FGF12: variants seen among roughly 807,000 people sequenced by gnomAD.
The protein encoded by FGF12 is fibroblast growth factor 12.
FGF12 carries 14 observed loss-of-function variants against 23.6 expected under a neutral mutation model. The ratio of observed to expected loss-of-function variants is 0.59; its 90% confidence interval spans 0.39 to 0.93. The LOEUF (loss-of-function observed/expected upper bound fraction) is 0.93, where lower values mean the gene tolerates loss of function less well. Among genes scored for constraint, FGF12 ranks in the 40% least tolerant of loss-of-function variants. FGF12 has a pLI of 0.00. For missense variants in FGF12, 175 were observed against 217.8 expected (o/e 0.80, Z 1.24); for synonymous variants, 62 against 77.3 (o/e 0.80, Z 1.04).
At chr3:192,527,129 A>T (rs1724963486) in intron 2 of FGF12, among the ~76,000 whole-genome samples, 2 of 152,194 alleles carry the variant, frequency 1.3e-5, no homozygotes, top group African/African-American at 4.8e-5. Flanking sequence ...TGGGGCCCTC[A>T]CAATGGGACT....
At chr3:192,375,510 C>T (rs1719445710) in intron 2 of FGF12, among the ~76,000 whole-genome samples, 2 of 152,038 alleles carry the variant, frequency 1.3e-5, no homozygotes, top group South Asian at 2.1e-4. Flanking sequence ...ATGCAAACGG[C>T]TAAAAACTCA....
At chr3:192,286,970 G>A (rs1451346289) in intron 4 of FGF12, among the ~76,000 whole-genome samples, 3 of 151,918 alleles carry the variant, frequency 2.0e-5, no homozygotes, top group Admixed American at 2.0e-4. Flanking sequence ...AGATAATAAG[G>A]CAATTTACAA....
intron 2 of FGF12, among the ~76,000 whole-genome samples, chr3:192,398,664 G>T (rs1214871390): frequency 6.6e-6 from 1 of 152,180 alleles, no homozygotes; most frequent in Non-Finnish European, 1.5e-5. Context: ...TTACAGGTGT[G>T]AGCCAGCTCT....
chr3:192,553,828 T>C (rs1020450697), intron 2 of FGF12, among the ~76,000 whole-genome samples: 2 of 152,136 alleles, frequency 1.3e-5, no homozygotes. Flanking sequence ...AACTGGTTTA[T>C]CTCCTGCCTG....
At chr3:192,373,201 C>T (rs1348228116) in intron 2 of FGF12, among the ~76,000 whole-genome samples, 3 of 152,050 alleles carry the variant, frequency 2.0e-5, no homozygotes, top group African/African-American at 7.2e-5. Context: ...ACTGTAGCAT[C>T]CCTGAGGGTG....
At chr3:192,326,968 T>G (rs1034888042) in intron 4 of FGF12, among the ~76,000 whole-genome samples, 1 of 152,176 alleles carries the variant, frequency 6.6e-6, no homozygotes, top group Non-Finnish European at 1.5e-5. Flanking sequence ...TGGGAAAATA[T>G]GAGAAGCATT....
At chr3:192,373,694 A>G (rs1719346463) in intron 2 of FGF12, among the ~76,000 whole-genome samples, 1 of 152,192 alleles carries the variant, frequency 6.6e-6, no homozygotes, top group Admixed American at 6.6e-5. Context: ...GGAGGCTCTT[A>G]GGGACAAGTG....
At chr3:192,221,732 G>GTAAA (rs1178229230) in intron 4 of FGF12, among the ~76,000 whole-genome samples, 3 of 151,940 alleles carry the variant, frequency 2.0e-5, no homozygotes, top group Non-Finnish European at 1.5e-5. Context: ...TGTAATTCAG[G>GTAAA]TCAACAAAGA....
At chr3:192,564,850 T>A (rs1712205011) in intron 2 of FGF12, among the ~76,000 whole-genome samples, 1 of 152,234 alleles carries the variant, frequency 6.6e-6, no homozygotes, top group Non-Finnish European at 1.5e-5. Flanking sequence ...TAGCACAGAA[T>A]TCCCTTAAGA....
intron 2 of FGF12, chr3:192,407,893 G>A: frequency 9.8e-7 from 1 of 1,017,498 alleles, no homozygotes; most frequent in Non-Finnish European, 1.4e-6. Context: ...AAAGAAGTCT[G>A]GAAATGAGAG....
At chr3:192,509,363 T>C (rs1724404399) in intron 2 of FGF12, among the ~76,000 whole-genome samples, 1 of 152,210 alleles carries the variant, frequency 6.6e-6, no homozygotes, top group South Asian at 2.1e-4. Flanking sequence ...CACAACTCTT[T>C]GTTTATAAGT....
chr3:192,484,607 C>T (rs566793625), intron 2 of FGF12, among the ~76,000 whole-genome samples: 1 of 152,198 alleles, frequency 6.6e-6, no homozygotes, highest in South Asian at 2.1e-4. Context: ...GAATGATCGG[C>T]TGTGAGAGGT....
intron 5 of FGF12, among the ~76,000 whole-genome samples, chr3:192,170,255 G>T: frequency 6.9e-6 from 1 of 143,972 alleles, no homozygotes; most frequent in Non-Finnish European, 1.5e-5. Context: ...ATTCTAGTGT[G>T]GGCGACAGAG....
Position 192,191,328 on chromosome 3 carries a change from C to T in FGF12, c.229-20672G>A, listed in dbSNP as rs6766218. 5.4e-3 allele frequency among the ~76,000 whole-genome samples: 823 copies of T among 152,060 alleles called. 7 individuals are homozygous for T. The highest frequency in any genetic ancestry group is 0.019 in the African/African-American group (800 of 41,450). Reference sequence around the variant, plus strand: ...ATGTCATTATAGATTTGTCCACACTCGCAGAATGTAAAAAACCAAGAGTGA... The same window carrying T: ...ATGTCATTATAGATTTGTCCACACTTGCAGAATGTAAAAAACCAAGAGTGA... On this transcript the variant is annotated intron_variant, in intron 4 of 5. Coordinates refer to ENST00000445105, the MANE Select transcript of FGF12 (RefSeq NM_004113.6).
At chr3:192,489,962 T>C (rs1194825260) in intron 2 of FGF12, among the ~76,000 whole-genome samples, 2 of 152,094 alleles carry the variant, frequency 1.3e-5, no homozygotes, top group Non-Finnish European at 2.9e-5. Context: ...AACCTACACA[T>C]GTACCCCTGA....
chr3:192,284,096 G>A (rs1285056658), intron 4 of FGF12, among the ~76,000 whole-genome samples: 1 of 151,980 alleles, frequency 6.6e-6, no homozygotes, highest in Non-Finnish European at 1.5e-5. Context: ...AGCTTTTCCA[G>A]CTACTAGACA....
chr3:192,613,871 C>T (rs1714648135), intron 2 of FGF12, among the ~76,000 whole-genome samples: 1 of 151,726 alleles, frequency 6.6e-6, no homozygotes, highest in African/African-American at 2.4e-5. Flanking sequence ...TAAAACATCA[C>T]TTATAAATTT....
At chr3:192,594,940 TG>T (rs1248212214) in intron 2 of FGF12, among the ~76,000 whole-genome samples, 1 of 148,336 alleles carries the variant, frequency 6.7e-6, no homozygotes, top group Non-Finnish European at 1.5e-5. Context: ...GATGCAATAT[TG>T]TTACATTTAC....
intron 4 of FGF12, among the ~76,000 whole-genome samples, chr3:192,242,508 A>C (rs1305296997): frequency 6.6e-6 from 1 of 152,212 alleles, no homozygotes; most frequent in African/African-American, 2.4e-5. Flanking sequence ...GAAGAAGCAC[A>C]AACACCCAAT....
Sources: gnomAD v4.1 joint callset for allele counts (sites outside exome capture counted in the v4.1 genomes callset) on GRCh38, gnomAD v4.1.1 for gene constraint, MANE v1.5 for transcripts, NCBI Gene and HGNC (gene_info 2026-07-23, HGNC 2026-07-21) for gene names.